The following RUVBL2 variants were observed in gnomAD, a reference collection of about 807,000 sequenced individuals.
The protein encoded by RUVBL2 is ruvB-like 2.
A neutral mutation model predicts 57.9 loss-of-function variants in RUVBL2; 9 were observed. That is an observed-to-expected ratio of 0.16 (90% confidence interval 0.09 to 0.27). RUVBL2 has a LOEUF of 0.27. Ranked by LOEUF, RUVBL2 falls within the 10% of genes least tolerant of loss-of-function variation. The pLI, the probability that RUVBL2 is intolerant of heterozygous loss-of-function variation, is 1.00. For synonymous variants in RUVBL2, 278 were observed against 264.6 expected (o/e 1.05, Z -0.49); for missense variants, 456 against 669.6 (o/e 0.68, Z 3.52).
At position 49,007,025 on chromosome 19, in the gene RUVBL2, G is replaced by T. The variant is rs367568788; in HGVS notation, c.273G>T (p.Ala91=). 2 of 1,612,852 alleles carry T rather than the reference G, an allele frequency of 1.2e-6. No homozygotes were observed. The highest frequency in any genetic ancestry group is 2.2e-5 in the East Asian group (1 of 44,892). The change falls in exon 5 of 15, where the codon GCG becomes GCT. Residue 91 remains alanine (A), a synonymous_variant. Coordinates refer to ENST00000595090, the MANE Select transcript of RUVBL2 (RefSeq NM_006666.3). ...AGACTGCCTCCTTCCCAGGCATGGC[G>T]CAGGCCCTGGGCCCTGACACGCCAT... ...TGKTAIAMGM[A]QALGPDTPFT...
chr19:49,001,649 G>A (rs2039185429), intron 2 of RUVBL2: 1 of 150,350 alleles, frequency 6.7e-6, no homozygotes, highest in Admixed American at 6.7e-5. Context: ...GTCTCATTCT[G>A]TCCCCCAGGC....
rs1248192365 is a variant in RUVBL2, at chr19:49,007,284, G to C, written c.396-18G>C. The C allele has an allele frequency of 2.5e-6, 4 of 1,613,244 alleles. No homozygotes were observed. Among genetic ancestry groups the C allele is most frequent in the Admixed American group, 1.7e-5 (1 of 59,944 alleles). ...GTCCAGGTGTCAGGCTGTCTCCTCAGATCTGCTCTCTGGCTAGGGAGGAGA... is the reference window on the plus strand; with the variant it reads ...GTCCAGGTGTCAGGCTGTCTCCTCACATCTGCTCTCTGGCTAGGGAGGAGA... On this transcript the variant is annotated intron_variant, in intron 5 of 14. Coordinates refer to ENST00000595090, the MANE Select transcript of RUVBL2 (RefSeq NM_006666.3).
chr19:48,993,805 G>A (rs1000257583), upstream of RUVBL2: 77 of 1,408,422 alleles, frequency 5.5e-5, no homozygotes, highest in Non-Finnish European at 7.5e-5. Context: ...ACATATTTAT[G>A]AGGAACCATC....
At chr19:48,999,509 C>T (rs750319469) in intron 2 of RUVBL2, 136 bp downstream of exon 2, 33 of 835,672 alleles carry the variant, frequency 3.9e-5, no homozygotes, top group Non-Finnish European at 6.6e-5. Flanking sequence ...CATTCCCCCA[C>T]TCGCCCTATC....
chr19:49,010,839 C>G (rs2039408605), intron 9 of RUVBL2, among the ~76,000 whole-genome samples, 160 bp from the exon 10 acceptor site: 1 of 152,198 alleles, frequency 6.6e-6, no homozygotes, highest in Non-Finnish European at 1.5e-5. Flanking sequence ...TGTTCTCTGC[C>G]TCTGTTCCTC....
At chr19:49,008,937 C>T (rs1400239066) in intron 6 of RUVBL2, among the ~76,000 whole-genome samples, 1 of 151,926 alleles carries the variant, frequency 6.6e-6, no homozygotes, top group East Asian at 1.9e-4. Context: ...CGAGATCACA[C>T]CATTGCACTC....
At chr19:49,010,934 C>A in intron 9 of RUVBL2, 65 bp from the exon 10 acceptor site, 1 of 1,400,212 alleles carries the variant, frequency 7.1e-7, no homozygotes, top group Non-Finnish European at 1.0e-6. Flanking sequence ...TCTGTCTTAG[C>A]CACACTCTGG....
Position 48,995,998 on chromosome 19 carries a change from AAAAAG to A in RUVBL2, c.12+2087_12+2091del, listed in dbSNP as rs1219154119. On this transcript the variant is annotated intron_variant, in intron 1 of 14. Transcript: ENST00000595090. ...TAAGGCTGTGTCTCAAAAAAAAAAA[AAAAAG>A]AAAAGAAAAGAGAAGAAAATTAGCC... Among the ~76,000 whole-genome samples the A allele has an allele frequency of 2.0e-3, 299 of 148,106 alleles. 1 individual carries two copies. Among genetic ancestry groups the A allele is most frequent in the East Asian group, 0.018 (93 of 5,126 alleles).
At chr19:49,007,537 T>TA (rs2039306066) in intron 6 of RUVBL2, among the ~76,000 whole-genome samples, 169 bp downstream of exon 6, 1 of 152,106 alleles carries the variant, frequency 6.6e-6, no homozygotes, top group African/African-American at 2.4e-5. Context: ...CAATGGCTTA[T>TA]CCCCTTATGA....
intron 11 of RUVBL2, among the ~76,000 whole-genome samples, chr19:49,012,292 C>A (rs2039444858): frequency 6.6e-6 from 1 of 152,158 alleles, no homozygotes; most frequent in Non-Finnish European, 1.5e-5. Flanking sequence ...TCTTTTAACT[C>A]CTTGGATCCG....
Position 49,015,166 on chromosome 19 carries a change from T to C in RUVBL2, c.1251+16T>C, listed in dbSNP as rs1167799826. The stretch of plus-strand genomic sequence containing the variant: ...GAAACGCAAGGTCAGCCGGCCGAAT[T>C]AGCCAGCAGGGCCAGATGGCGGCAG... On this transcript the variant is annotated intron_variant, in intron 13 of 14. Coordinates refer to ENST00000595090, the MANE Select transcript of RUVBL2 (RefSeq NM_006666.3). The C allele has an allele frequency of 6.2e-7, 1 of 1,602,428 alleles. No individual in the cohort carries two copies. Among genetic ancestry groups the C allele is most frequent in the Non-Finnish European group, 8.5e-7 (1 of 1,175,996 alleles).
In RUVBL2 at chr19:49,010,472, C is replaced by G. The variant is rs1256859052; in HGVS notation, c.664-16C>G. 7.0e-6 allele frequency: 10 copies of G among 1,426,488 alleles called. No individual in the cohort carries two copies. The highest frequency in any genetic ancestry group is 2.3e-5 in the East Asian group (1 of 42,932). The allele number at this position is 1,426,488 out of a possible 1,614,324, so 88.4% of individuals were successfully genotyped here. The stretch of plus-strand genomic sequence containing the variant: ...TGCCCTGTCTCCGCCGTTCTTCCCC[C>G]ACCCCCGCCCCATAGACCAAGTTCG... On this transcript the variant is annotated splice_polypyrimidine_tract_variant and intron_variant, in intron 8 of 14. Transcript: ENST00000595090.
chr19:49,010,720 T>C, intron 9 of RUVBL2, 109 bp downstream of exon 9: 2 of 1,487,258 alleles, frequency 1.3e-6, no homozygotes, highest in Non-Finnish European at 1.8e-6. Context: ...CTCCACGCTG[T>C]TTCCTGTAAC....
At chr19:49,014,948 T>C in intron 12 of RUVBL2, 73 bp from the exon 13 acceptor site, 3 of 1,532,630 alleles carry the variant, frequency 2.0e-6, no homozygotes, top group Non-Finnish European at 2.6e-6. Flanking sequence ...GGCCAGAGGG[T>C]TGCTGTGGCC....
In RUVBL2 at chr19:49,010,483, C is replaced by CCAACAACAAAAA; in HGVS notation, c.664-5_664-4insCAACAACAAAAA. On this transcript the variant is annotated splice_polypyrimidine_tract_variant and splice_region_variant and intron_variant, in intron 8 of 14. Coordinates refer to ENST00000595090, the MANE Select transcript of RUVBL2 (RefSeq NM_006666.3). The stretch of plus-strand genomic sequence containing the variant: ...CGCCGTTCTTCCCCCACCCCCGCCC[C>CCAACAACAAAAA]ATAGACCAAGTTCGTGCAGTGCCCA... The CCAACAACAAAAA allele has an allele frequency of 6.3e-7, 1 of 1,575,958 alleles. No homozygotes were observed. The highest frequency in any genetic ancestry group is 8.7e-7 in the Non-Finnish European group (1 of 1,148,088).
intron 6 of RUVBL2, among the ~76,000 whole-genome samples, chr19:49,008,366 G>A (rs1002785667): frequency 5.4e-5 from 8 of 149,030 alleles, no homozygotes; most frequent in Middle Eastern, 3.4e-3. Context: ...TCAGCCTCCC[G>A]AGTAGCTGGG....
intron 4 of RUVBL2, among the ~76,000 whole-genome samples, chr19:49,004,866 G>A (rs74423073): frequency 0.073 from 11,042 of 151,976 alleles, 462 homozygotes; most frequent in Middle Eastern, 0.092. Flanking sequence ...TTCAGGGGAG[G>A]CTGGCACATT....
In RUVBL2 at chr19:49,009,704, T is replaced by G. The variant is rs538377231; in HGVS notation, c.463-72T>G. 3.2e-5 allele frequency: 42 copies of G among 1,327,146 alleles called. 1 individual carries two copies. In the South Asian group the frequency reaches 3.9e-4, roughly 12 times the overall value. 82.2% of individuals were successfully genotyped at this position (1,327,146 alleles called of 1,614,324 possible). On this transcript the variant is annotated intron_variant, in intron 6 of 14. Coordinates refer to ENST00000595090, the MANE Select transcript of RUVBL2 (RefSeq NM_006666.3). ...AGGCCAGAGCAGAGCCAGAAGCTTA[T>G]CAACACTGGGGGCACTGGGGCAACA...
At chr19:49,003,037 G>A (rs2039214470) in intron 2 of RUVBL2, among the ~76,000 whole-genome samples, 1 of 152,190 alleles carries the variant, frequency 6.6e-6, no homozygotes, top group Non-Finnish European at 1.5e-5. Flanking sequence ...AGTGACTTTT[G>A]TTTAACTAGG....
Sources: gnomAD v4.1 joint callset for allele counts (sites outside exome capture counted in the v4.1 genomes callset) on GRCh38, gnomAD v4.1.1 for gene constraint, MANE v1.5 for transcripts, NCBI Gene and HGNC (gene_info 2026-07-23, HGNC 2026-07-21) for gene names.